The following MGAT4A variants were observed in gnomAD, a reference collection of about 807,000 sequenced individuals.
MGAT4A encodes the protein alpha-1,3-mannosyl-glycoprotein 4-beta-N-acetylglucosaminyltransferase A.
A neutral mutation model predicts 74.1 loss-of-function variants in MGAT4A; 33 were observed. That is an observed-to-expected ratio of 0.45 (90% confidence interval 0.34 to 0.60). MGAT4A has a LOEUF of 0.60. MGAT4A is among the 20% of genes least tolerant of loss of function. MGAT4A has a pLI of 0.02. For missense variants in MGAT4A, 479 were observed against 628.3 expected (o/e 0.76, Z 2.54); for synonymous variants, 198 against 210.4 (o/e 0.94, Z 0.51).
intron 5 of MGAT4A, 131 bp downstream of exon 5, chr2:98,662,915 A>G (rs1701772074): frequency 1.6e-6 from 1 of 609,658 alleles, no homozygotes; most frequent in African/African-American, 1.9e-5. Context: ...TACCAGATAG[A>G]ATATATTACC....
At chr2:98,636,488 G>T (rs1259833955) in intron 13 of MGAT4A, 29 bp downstream of exon 13, 2 of 1,535,252 alleles carry the variant, frequency 1.3e-6, no homozygotes, top group African/African-American at 2.7e-5. Flanking sequence ...TAGTTGTTAG[G>T]GAAAGGTAAG....
At chr2:98,687,100 A>G (rs1432568137) in intron 2 of MGAT4A, among the ~76,000 whole-genome samples, 1 of 152,238 alleles carries the variant, frequency 6.6e-6, no homozygotes, top group African/African-American at 2.4e-5. Flanking sequence ...TTCCTTAAGT[A>G]CTTTAAAGTT....
At chr2:98,630,646 A>T (rs977431511) in intron 14 of MGAT4A, among the ~76,000 whole-genome samples, 1 of 152,154 alleles carries the variant, frequency 6.6e-6, no homozygotes, top group African/African-American at 2.4e-5. Flanking sequence ...CATGAAAAAA[A>T]GAGATGTAAA....
In MGAT4A at chr2:98,624,657, A is replaced by T; in HGVS notation, c.*909T>A. 2.0e-6 allele frequency: 2 copies of T among 982,348 alleles called. No homozygotes were observed. The highest frequency in any genetic ancestry group is 1.2e-6 in the Non-Finnish European group (1 of 827,080). 60.9% of individuals were successfully genotyped at this position (982,348 alleles called of 1,614,324 possible). A position where few individuals can be genotyped will look rare whatever the true frequency, so the allele number is the denominator to read the frequency against. On this transcript the variant is annotated 3_prime_UTR_variant, in exon 16 of 16. Transcript: ENST00000393487. ...AGCAGATAATGCACCTAATTCATGG[A>T]TTAAAGACAAAGATTAAAAAGGAAA...
intron 2 of MGAT4A, among the ~76,000 whole-genome samples, chr2:98,692,359 C>T (rs1174209513): frequency 6.6e-6 from 1 of 152,180 alleles, no homozygotes; most frequent in Non-Finnish European, 1.5e-5. Context: ...CCGCCTCAGC[C>T]TCCCAAAGTG....
chr2:98,649,843 A>G (rs1481445760), intron 8 of MGAT4A, among the ~76,000 whole-genome samples: 1 of 152,174 alleles, frequency 6.6e-6, no homozygotes, highest in Non-Finnish European at 1.5e-5. Flanking sequence ...GATTTTTCAA[A>G]TGCCAAGATC....
chr2:98,692,521 A>G (rs1397784515), intron 2 of MGAT4A, among the ~76,000 whole-genome samples: 2 of 152,168 alleles, frequency 1.3e-5, no homozygotes, highest in African/African-American at 2.4e-5. Context: ...TTAGACCTTC[A>G]CATTCACTCC....
intron 4 of MGAT4A, among the ~76,000 whole-genome samples, chr2:98,668,797 C>G (rs1400447886): frequency 6.6e-6 from 1 of 152,236 alleles, no homozygotes; most frequent in Non-Finnish European, 1.5e-5. Context: ...GAACCCACCT[C>G]TTGCATCAGT....
chr2:98,674,142 G>A (rs1158306517), intron 4 of MGAT4A, among the ~76,000 whole-genome samples: 2 of 152,154 alleles, frequency 1.3e-5, no homozygotes, highest in Non-Finnish European at 2.9e-5. Flanking sequence ...AGATCAATGA[G>A]AAGATGTGAT....
At chr2:98,689,951 A>G (rs138285296) in intron 2 of MGAT4A, among the ~76,000 whole-genome samples, 1,524 of 152,312 alleles carry the variant, frequency 0.01, 19 homozygotes, top group African/African-American at 0.036. Flanking sequence ...TTTCTGCCTC[A>G]TATATCCTAG....
intron 2 of MGAT4A, among the ~76,000 whole-genome samples, chr2:98,691,317 C>T (rs1254344475): frequency 6.6e-6 from 1 of 151,740 alleles, no homozygotes; most frequent in Non-Finnish European, 1.5e-5. Flanking sequence ...AGCTGGGTAA[C>T]GTAGTCCCAG....
Position 98,623,330 on chromosome 2 carries a change from C to T in MGAT4A, c.*2236G>A, listed in dbSNP as rs936926285. 3.0e-6 allele frequency: 3 copies of T among 985,486 alleles called. No individual in the cohort carries two copies. Among genetic ancestry groups the T allele is most frequent in the African/African-American group, 3.5e-5 (2 of 57,374 alleles). 61.0% of individuals were successfully genotyped at this position (985,486 alleles called of 1,614,324 possible). On this transcript the variant is annotated 3_prime_UTR_variant, in exon 16 of 16. Transcript: ENST00000393487. ...AAGTTGTAACAAATCACACCAGGTGCTGCAATAACTTTCTCCTCCCTAGAT... is the reference window on the plus strand; with the variant it reads ...AAGTTGTAACAAATCACACCAGGTGTTGCAATAACTTTCTCCTCCCTAGAT...
At chr2:98,727,328 C>T (rs1337590879) in intron 1 of MGAT4A, among the ~76,000 whole-genome samples, 1 of 152,206 alleles carries the variant, frequency 6.6e-6, no homozygotes, top group East Asian at 1.9e-4. Flanking sequence ...GAAATCACCA[C>T]TGATCGAACA....
intron 2 of MGAT4A, among the ~76,000 whole-genome samples, chr2:98,693,166 A>G (rs893167854): frequency 6.6e-6 from 1 of 152,200 alleles, no homozygotes; most frequent in Non-Finnish European, 1.5e-5. Flanking sequence ...AAGCACTAAA[A>G]GAAAAGAAAA....
chr2:98,725,030 T>C (rs1702740636), intron 2 of MGAT4A, among the ~76,000 whole-genome samples: 1 of 152,172 alleles, frequency 6.6e-6, no homozygotes, highest in Non-Finnish European at 1.5e-5. Context: ...AGCCGAGGTC[T>C]TGCCACTGCA....
intron 1 of MGAT4A, among the ~76,000 whole-genome samples, chr2:98,729,456 T>A (rs1702812984): frequency 1.3e-5 from 2 of 152,216 alleles, no homozygotes; most frequent in Non-Finnish European, 2.9e-5. Flanking sequence ...ACATTTTTAT[T>A]AGTGTCCACA....
intron 2 of MGAT4A, among the ~76,000 whole-genome samples, chr2:98,720,786 A>G (rs1702658300): frequency 6.6e-6 from 1 of 152,224 alleles, no homozygotes; most frequent in Non-Finnish European, 1.5e-5. Context: ...AAAAATGAAC[A>G]CAGCCTCAGA....
intron 5 of MGAT4A, 44 bp downstream of exon 5, chr2:98,663,001 TA>T (rs760077041): frequency 7.4e-7 from 1 of 1,356,956 alleles, no homozygotes; most frequent in Admixed American, 2.4e-5. Context: ...TTTCAACTCT[TA>T]TAGGCTATAT....
intron 2 of MGAT4A, among the ~76,000 whole-genome samples, chr2:98,715,689 G>A (rs1406414335): frequency 6.6e-6 from 1 of 151,992 alleles, no homozygotes; most frequent in East Asian, 1.9e-4. Flanking sequence ...ATAATTAATG[G>A]GTATAATACC....
Sources: gnomAD v4.1 joint callset for allele counts (sites outside exome capture counted in the v4.1 genomes callset) on GRCh38, gnomAD v4.1.1 for gene constraint, MANE v1.5 for transcripts, NCBI Gene and HGNC (gene_info 2026-07-23, HGNC 2026-07-21) for gene names.